The following PPP2R5B variants were observed in gnomAD, a reference collection of about 807,000 sequenced individuals.
The protein encoded by PPP2R5B is serine/threonine-protein phosphatase 2A 56 kDa regulatory subunit beta isoform.
A neutral mutation model predicts 59.9 loss-of-function variants in PPP2R5B; 19 were observed. The observed-to-expected ratio is 0.32, with a 90% CI of 0.22 to 0.47. PPP2R5B has a LOEUF of 0.47. Among genes scored for constraint, PPP2R5B ranks in the 20% least tolerant of loss-of-function variants. PPP2R5B has a pLI of 1.00. For missense variants in PPP2R5B, 441 were observed against 640.2 expected, an observed-to-expected ratio of 0.69 and a Z score of 3.36; for synonymous variants, 286 against 260.5, an observed-to-expected ratio of 1.10 and a Z score of -0.94.
chr11:64,919,803 G>A (rs1565093557), upstream of PPP2R5B, among the ~76,000 whole-genome samples: 2 of 152,138 alleles, frequency 1.3e-5, no homozygotes, highest in Non-Finnish European at 2.9e-5. Flanking sequence ...TACTTTACGT[G>A]CACGATCTCA....
chr11:64,925,836 T>C lies in PPP2R5B; in HGVS notation c.102T>C (p.Arg34=). The change falls in exon 2 of 14, where the codon CGT becomes CGC. Residue 34 remains arginine (R), a synonymous_variant. Transcript: ENST00000164133. The surrounding 1 kb of genome is among the most constrained non-coding windows in gnomAD (Gnocchi z 4.6). ...ACAAGGTGGACGGCTTCTCCCGCCG[T>C]TCCCTCCGCAGAGCCCGGCCCCGCC... ...PPDKVDGFSR[R]SLRRARPRRS... 1 of 1,589,122 alleles carries C rather than the reference T, an allele frequency of 6.3e-7. No homozygotes were observed. The highest frequency in any genetic ancestry group is 1.1e-5 in the South Asian group (1 of 90,538).
At chr11:64,918,623 G>A (rs1001525857) in intron 1 of PPP2R5B, among the ~76,000 whole-genome samples, 4 of 151,898 alleles carry the variant, frequency 2.6e-5, no homozygotes, top group African/African-American at 7.3e-5. Context: ...GAGCCACCGT[G>A]CCCGGCCTAT....
Position 64,925,616 on chromosome 11 carries a change from C to CCG in PPP2R5B, c.-118_-117insGC, listed in dbSNP as rs914746427. ...GGGGGGCCCAGGACTGTGGTTGTGC[C>CCG]CCCCCCCCAAAGGCCGGACAGGATG... On this transcript the variant is annotated 5_prime_UTR_variant, in exon 2 of 14. Transcript: ENST00000164133. This position sits in a 1 kb window ranked among gnomAD's most constrained non-coding sequence, Gnocchi z 4.6. 7.5e-6 allele frequency: 4 copies of CCG among 530,114 alleles called. No individual in the cohort carries two copies. The African/African-American group carries it at 7.6e-5, about 10-fold the overall frequency. 32.8% of individuals were successfully genotyped at this position (530,114 alleles called of 1,614,324 possible).
At chr11:64,930,211 G>C (rs938064425) in intron 6 of PPP2R5B, 111 bp from the exon 7 acceptor site, 1 of 1,221,526 alleles carries the variant, frequency 8.2e-7, no homozygotes, top group African/African-American at 1.5e-5. Context: ...TCTGGGTTGG[G>C]GGAGAGTTGG....
chr11:64,925,805 C>G lies in PPP2R5B; in HGVS notation c.71C>G (p.Pro24Arg), dbSNP rs1380096084. The G allele has an allele frequency of 1.2e-6, 2 of 1,600,458 alleles. No individual in the cohort carries two copies. Among genetic ancestry groups the G allele is most frequent in the African/African-American group, 1.3e-5 (1 of 74,746 alleles). Residue 24 changes from proline to arginine, a missense_variant, in exon 2 of 14, where the codon CCA becomes CGA. Pro to Arg is a moderately radical substitution (Grantham distance 103). Transcript: ENST00000164133. This position sits in a 1 kb window ranked among gnomAD's most constrained non-coding sequence, Gnocchi z 4.6. Reference sequence around the variant, plus strand: ...TCCCCCGGGCTGTCGCCTGTGCCCCCACCCGACAAGGTGGACGGCTTCTCC... The same window carrying G: ...TCCCCCGGGCTGTCGCCTGTGCCCCGACCCGACAAGGTGGACGGCTTCTCC... ...PSSPGLSPVP[P>R]PDKVDGFSRR...
intron 1 of PPP2R5B, among the ~76,000 whole-genome samples, chr11:64,919,661 G>A (rs1312083641): frequency 6.6e-6 from 1 of 152,038 alleles, no homozygotes; most frequent in African/African-American, 2.4e-5. Flanking sequence ...TGAAGTTGCA[G>A]TGAAGCTATG....
At chr11:64,928,728 C>G (rs1945196497) in intron 6 of PPP2R5B, among the ~76,000 whole-genome samples, 1 of 152,150 alleles carries the variant, frequency 6.6e-6, no homozygotes, top group East Asian at 1.9e-4. Context: ...ACTAAAAATA[C>G]AAAAAATTAG....
chr11:64,925,623 C>G lies in PPP2R5B; in HGVS notation c.-112C>G, dbSNP rs556546384. On this transcript the variant is annotated 5_prime_UTR_variant, in exon 2 of 14. Transcript: ENST00000164133. This position sits in a 1 kb window ranked among gnomAD's most constrained non-coding sequence, Gnocchi z 4.6. ...CCAGGACTGTGGTTGTGCCCCCCCC[C>G]CAAAGGCCGGACAGGATGGGACCAA... The G allele has an allele frequency of 6.2e-5, 35 of 566,140 alleles. 1 individual carries two copies. The highest frequency in any genetic ancestry group is 3.0e-4 in the Middle Eastern group (1 of 3,382). The allele number at this position is 566,140 out of a possible 1,614,324, so 35.1% of individuals were successfully genotyped here.
intron 12 of PPP2R5B, 31 bp from the exon 13 acceptor site, chr11:64,933,114 C>G: frequency 6.4e-7 from 1 of 1,570,142 alleles, no homozygotes; most frequent in Non-Finnish European, 8.8e-7. Flanking sequence ...AAAGCTGTTT[C>G]ATCTCCTCAT....
At chr11:64,921,135 T>C (rs1945106800), upstream of PPP2R5B, among the ~76,000 whole-genome samples, 1 of 151,780 alleles carries the variant, frequency 6.6e-6, no homozygotes, top group Non-Finnish European at 1.5e-5. Flanking sequence ...TTTCTATTTT[T>C]TGTAGAGATG....
chr11:64,926,760 A>G lies in PPP2R5B; in HGVS notation c.248A>G (p.Gln83Arg). The change falls in exon 3 of 14, where the codon CAG (glutamine) becomes CGG (arginine). Residue 83 changes from glutamine to arginine, a missense_variant. This residue lies in a region of PPP2R5B where 268 missense variants were observed against 488.1 expected (regional missense o/e 0.55). Coordinates refer to ENST00000164133, the MANE Select transcript of PPP2R5B (RefSeq NM_006244.4). ...GAGCTGCTGAGCCGGAAGCTGGCCCAGTGTGGGGTGATGTTTGACTTCTTG... is the reference window on the plus strand; with the variant it reads ...GAGCTGCTGAGCCGGAAGCTGGCCCGGTGTGGGGTGATGTTTGACTTCTTG... Reference protein sequence around the residue: ...LHELLSRKLAQCGVMFDFLDC... With the variant: ...LHELLSRKLARCGVMFDFLDC... 6 of 1,614,164 alleles carry G rather than the reference A, an allele frequency of 3.7e-6. No individual in the cohort carries two copies. Among genetic ancestry groups the G allele is most frequent in the Non-Finnish European group, 5.1e-6 (6 of 1,180,008 alleles).
At chr11:64,923,453 G>A (rs1729440415), upstream of PPP2R5B, among the ~76,000 whole-genome samples, 1 of 152,204 alleles carries the variant, frequency 6.6e-6, no homozygotes, top group Non-Finnish European at 1.5e-5. Context: ...GGGCCGGATG[G>A]GCAAGGCCTG....
chr11:64,919,235 C>T (rs1253186657), intron 1 of PPP2R5B, among the ~76,000 whole-genome samples: 2 of 151,842 alleles, frequency 1.3e-5, no homozygotes, highest in African/African-American at 2.4e-5. Context: ...CCCAGCTACT[C>T]GGGAGGCTGA....
chr11:64,928,177 G>C lies in PPP2R5B; in HGVS notation c.591+19G>C, dbSNP rs776535207. The C allele has an allele frequency of 6.2e-7, 1 of 1,614,068 alleles. No individual in the cohort carries two copies. Among genetic ancestry groups the C allele is most frequent in the Non-Finnish European group, 8.5e-7 (1 of 1,179,906 alleles). ...CCTGATGGTGAAGTGGGGAGCCCAG[G>C]CTGGGTGGTACCACAAGGCAGGGGC... is the stretch of plus-strand genomic sequence containing the variant. On this transcript the variant is annotated intron_variant, in intron 5 of 13. Coordinates refer to ENST00000164133, the MANE Select transcript of PPP2R5B (RefSeq NM_006244.4).
At position 64,931,966 on chromosome 11, in the gene PPP2R5B, A is replaced by G. The variant is rs747849329; in HGVS notation, c.1116+98A>G. 11 of 1,520,034 alleles carry G rather than the reference A, an allele frequency of 7.2e-6. No individual in the cohort carries two copies. The highest frequency in any genetic ancestry group is 2.0e-5 in the Admixed American group (1 of 49,470). The allele number at this position is 1,520,034 out of a possible 1,614,324, so 94.2% of individuals were successfully genotyped here. A position where few individuals can be genotyped will look rare whatever the true frequency, so the allele number is the denominator to read the frequency against. On this transcript the variant is annotated intron_variant, in intron 11 of 13. Transcript: ENST00000164133. The surrounding 1 kb of genome is among the most constrained non-coding windows in gnomAD (Gnocchi z 5.0). Reference sequence around the variant, plus strand: ...CCCTTTGCCCTCAGTTTCTCCTCCAATCCCGGGTCTGGTAATGGGGAGATG... The same window carrying G: ...CCCTTTGCCCTCAGTTTCTCCTCCAGTCCCGGGTCTGGTAATGGGGAGATG...
chr11:64,922,193 AAT>A (rs1945115734), upstream of PPP2R5B, among the ~76,000 whole-genome samples: 3 of 144,566 alleles, frequency 2.1e-5, no homozygotes, highest in Non-Finnish European at 3.0e-5. Context: ...AAAATAAAAA[AAT>A]AAAATAAAGC....
Position 64,930,331 on chromosome 11 carries a change from T to C in PPP2R5B, c.732T>C (p.Tyr244=). ...CGTTCTTCTCTTGCAGGTTCATCTATGAATTCGAGCACTTCAATGGTGTGG... is the reference window on the plus strand; with the variant it reads ...CGTTCTTCTCTTGCAGGTTCATCTACGAATTCGAGCACTTCAATGGTGTGG... ...QCNHIFLRFI[Y]EFEHFNGVAE... The change falls in exon 7 of 14, where the codon TAT becomes TAC. Residue 244 remains tyrosine, a synonymous_variant. Coordinates refer to ENST00000164133, the MANE Select transcript of PPP2R5B (RefSeq NM_006244.4). 6.2e-7 allele frequency: 1 copy of C among 1,614,056 alleles called. No homozygotes were observed. Among genetic ancestry groups the C allele is most frequent in the Non-Finnish European group, 8.5e-7 (1 of 1,179,962 alleles).
chr11:64,933,633 CTG>C, intron 13 of PPP2R5B, 62 bp from the exon 14 acceptor site: 1 of 1,494,780 alleles, frequency 6.7e-7, no homozygotes, highest in East Asian at 2.5e-5. Context: ...GGAGTCTGGA[CTG>C]TGAGGGAGTC....
chr11:64,926,220 T>C (rs1945162632), intron 2 of PPP2R5B, among the ~76,000 whole-genome samples: 1 of 152,188 alleles, frequency 6.6e-6, no homozygotes, highest in Admixed American at 6.5e-5. Flanking sequence ...GGGGCCACTA[T>C]CAGCCCAGCC....
Sources: allele counts gnomAD v4.1 joint callset (sites outside exome capture counted in the v4.1 genomes callset), GRCh38; gene constraint gnomAD v4.1.1; regional missense constraint gnomAD v4.1.1; non-coding constraint Gnocchi (gnomAD v3.1); transcripts MANE v1.5; gene names NCBI Gene and HGNC (gene_info 2026-07-23, HGNC 2026-07-21).